SAMTOR: variants seen among roughly 807,000 people sequenced by gnomAD.
The protein encoded by SAMTOR is S-adenosylmethionine sensor upstream of mTORC1.
At chr7:112,836,585 C>T in the SAMTOR span, among the ~76,000 whole-genome samples, 1 of 151,884 alleles carries the variant, frequency 6.6e-6, no homozygotes, top group Non-Finnish European at 1.5e-5. Flanking sequence ...GGTTATCTTC[C>T]AAGGTTTTTC....
At chr7:112,864,875 CT>C in the SAMTOR span, among the ~76,000 whole-genome samples, 5 of 152,186 alleles carry the variant, frequency 3.3e-5, no homozygotes. Flanking sequence ...CCGCCTCAGT[CT>C]CCCAAGTAGC....
chr7:112,912,026 GA>G, the SAMTOR span, among the ~76,000 whole-genome samples: 1 of 150,966 alleles, frequency 6.6e-6, no homozygotes, highest in Admixed American at 6.6e-5. Flanking sequence ...ATTGGATTTA[GA>G]AAAAAATACA....
the SAMTOR span, among the ~76,000 whole-genome samples, chr7:112,922,868 G>A: frequency 1.0e-4 from 14 of 136,936 alleles, no homozygotes; most frequent in Admixed American, 2.2e-4. Flanking sequence ...CACCCCGTCC[G>A]GGAGGGAGGT....
the SAMTOR span, among the ~76,000 whole-genome samples, chr7:112,919,246 G>A: frequency 2.0e-4 from 30 of 152,008 alleles, no homozygotes; most frequent in South Asian, 2.1e-3. Flanking sequence ...ACAACAAACT[G>A]TCTCTCAGAG....
chr7:112,895,696 G>A, the SAMTOR span: 1 of 1,576,630 alleles, frequency 6.3e-7, no homozygotes, highest in South Asian at 1.2e-5. Context: ...TCTTTCTCAA[G>A]TGCTTTTCTC....
the SAMTOR span, among the ~76,000 whole-genome samples, chr7:112,902,456 A>AAAAAAAG: frequency 6.8e-6 from 1 of 147,724 alleles, no homozygotes. Flanking sequence ...AAACAAAAAA[A>AAAAAAAG]AAAACCAAAA....
the SAMTOR span, among the ~76,000 whole-genome samples, chr7:112,849,859 G>A: frequency 6.6e-6 from 1 of 152,088 alleles, no homozygotes; most frequent in Non-Finnish European, 1.5e-5. Context: ...TGATCATATG[G>A]TTTTTGTTTT....
At chr7:112,850,789 A>T in the SAMTOR span, among the ~76,000 whole-genome samples, 2 of 152,060 alleles carry the variant, frequency 1.3e-5, no homozygotes, top group South Asian at 4.1e-4. Context: ...GCTTATGTGA[A>T]TCACCTTTTT....
the SAMTOR span, among the ~76,000 whole-genome samples, chr7:112,932,602 TTTTAC>T: frequency 6.6e-6 from 1 of 151,884 alleles, no homozygotes; most frequent in South Asian, 2.1e-4. Flanking sequence ...AAAGGCAGAG[TTTTAC>T]TCAAGAAACT....
At chr7:112,851,262 C>G in the SAMTOR span, among the ~76,000 whole-genome samples, 1 of 152,084 alleles carries the variant, frequency 6.6e-6, no homozygotes, top group Admixed American at 6.6e-5. Flanking sequence ...GCAAAAAGAA[C>G]CAAGCTGGAA....
the SAMTOR span, among the ~76,000 whole-genome samples, chr7:112,864,221 C>A: frequency 6.6e-6 from 1 of 152,092 alleles, no homozygotes; most frequent in East Asian, 1.9e-4. Context: ...GGGGGACAAC[C>A]CACATTGAAA....
chr7:112,909,173 T>C, the SAMTOR span, among the ~76,000 whole-genome samples: 1 of 152,156 alleles, frequency 6.6e-6, no homozygotes, highest in African/African-American at 2.4e-5. Flanking sequence ...CCCCAGCCTA[T>C]CACTAGTGGA....
chr7:112,843,912 T>A, the SAMTOR span, among the ~76,000 whole-genome samples: 1 of 152,138 alleles, frequency 6.6e-6, no homozygotes, highest in African/African-American at 2.4e-5. Context: ...CAGCAGCACA[T>A]TGAAAAGCCA....
the SAMTOR span, among the ~76,000 whole-genome samples, chr7:112,861,763 C>T: frequency 2.0e-5 from 3 of 152,114 alleles, no homozygotes; most frequent in East Asian, 5.8e-4. Context: ...CTAAATAGTA[C>T]AGCCATTAGA....
the SAMTOR span, among the ~76,000 whole-genome samples, chr7:112,861,274 T>C: frequency 6.6e-6 from 1 of 152,202 alleles, no homozygotes; most frequent in Admixed American, 6.5e-5. Flanking sequence ...AGGGGAAGTA[T>C]CTAGTGCTTA....
the SAMTOR span, among the ~76,000 whole-genome samples, chr7:112,926,604 G>A: frequency 6.6e-6 from 1 of 152,210 alleles, no homozygotes; most frequent in African/African-American, 2.4e-5. Context: ...GAAAATTGAT[G>A]TGATTCATAA....
At chr7:112,902,568 C>T in the SAMTOR span, among the ~76,000 whole-genome samples, 54 of 150,038 alleles carry the variant, frequency 3.6e-4, no homozygotes, top group African/African-American at 1.2e-3. Context: ...TGTCATTATA[C>T]ATTTTTCAAA....
At chr7:112,894,284 T>G in the SAMTOR span, among the ~76,000 whole-genome samples, 1 of 152,120 alleles carries the variant, frequency 6.6e-6, no homozygotes, top group Admixed American at 6.5e-5. Context: ...TTGAATAAGT[T>G]CACTGTCTTA....
At chr7:112,901,234 G>C in the SAMTOR span, among the ~76,000 whole-genome samples, 3 of 152,152 alleles carry the variant, frequency 2.0e-5, no homozygotes, top group Non-Finnish European at 2.9e-5. Flanking sequence ...GTGAAGCTTC[G>C]TCTGTATTTA....
Sources: gnomAD v4.1 joint callset for allele counts (sites outside exome capture counted in the v4.1 genomes callset) on GRCh38, gnomAD v4.1.1 for gene constraint, MANE v1.5 for transcripts, NCBI Gene and HGNC (gene_info 2026-07-23, HGNC 2026-07-21) for gene names.